Variants in DHRS7B observed in about 807,000 individuals in gnomAD.
DHRS7B encodes the protein peroxisomal reductase activating PPAR-gamma.
In DHRS7B, 24 loss-of-function variants were observed where a neutral mutation model predicts 26.4. That is an observed-to-expected ratio of 0.91 (90% CI 0.66 to 1.28). DHRS7B has a LOEUF of 1.28. Among genes scored for constraint, DHRS7B ranks in the 50% most tolerant of loss-of-function variants. DHRS7B has a pLI of 0.00. For synonymous variants in DHRS7B, 142 were observed against 166.4 expected, an observed-to-expected ratio of 0.85 and a Z score of 1.13; for missense variants, 368 against 419.4, an observed-to-expected ratio of 0.88 and a Z score of 1.07.
At chr17:21,179,562 T>C (rs1974465855) in intron 3 of DHRS7B, among the ~76,000 whole-genome samples, 1 of 152,008 alleles carries the variant, frequency 6.6e-6, no homozygotes, top group African/African-American at 2.4e-5. Flanking sequence ...ATCGCACCAC[T>C]GCACTCCACC....
chr17:21,138,131 C>CACACACACACACAT (rs1310302508), intron 1 of DHRS7B, among the ~76,000 whole-genome samples: 1 of 138,586 alleles, frequency 7.2e-6, no homozygotes, highest in Non-Finnish European at 1.5e-5. Flanking sequence ...CACACACACA[C>CACACACACACACAT]ATATATTTAT....
At chr17:21,161,945 T>C (rs1647108666) in intron 1 of DHRS7B, among the ~76,000 whole-genome samples, 1 of 152,072 alleles carries the variant, frequency 6.6e-6, no homozygotes, top group Non-Finnish European at 1.5e-5. Flanking sequence ...AGTTGTTATA[T>C]AAACTTTCAA....
At chr17:21,150,610 C>T (rs192579209) in intron 1 of DHRS7B, among the ~76,000 whole-genome samples, 371 of 152,282 alleles carry the variant, frequency 2.4e-3, no homozygotes, top group Non-Finnish European at 4.4e-3. Context: ...GAGCAAAACT[C>T]CGTTTTTTAA....
At chr17:21,168,979 C>G in intron 1 of DHRS7B, 1 of 906,102 alleles carries the variant, frequency 1.1e-6, no homozygotes, top group Non-Finnish European at 1.3e-6. Context: ...TTGTTGGGAA[C>G]TTTAATCATC....
intron 1 of DHRS7B, among the ~76,000 whole-genome samples, chr17:21,149,043 A>G (rs1339870299): frequency 6.6e-6 from 1 of 152,176 alleles, no homozygotes; most frequent in African/African-American, 2.4e-5. Context: ...AAGGTCAACA[A>G]AGAGAGAATC....
At chr17:21,161,786 G>A (rs997240580) in intron 1 of DHRS7B, among the ~76,000 whole-genome samples, 5 of 152,130 alleles carry the variant, frequency 3.3e-5, no homozygotes, top group Admixed American at 6.6e-5. Flanking sequence ...CACCTGCTAG[G>A]CTATTTTTAA....
At position 21,154,397 on chromosome 17, in the gene DHRS7B, A is replaced by T. The variant is rs187366228; in HGVS notation, c.21-17621A>T. ...GAAATATTTAAAGCGTTGAGAGAGG[A>T]AAAAAAACCCACCAACCTGGAATTC... is the stretch of plus-strand genomic sequence containing the variant. On this transcript the variant is annotated intron_variant, in intron 1 of 6. Coordinates refer to ENST00000395511, the MANE Select transcript of DHRS7B (RefSeq NM_015510.5). 4.6e-5 allele frequency among the ~76,000 whole-genome samples: 7 copies of T among 152,110 alleles called. No homozygotes were observed. The East Asian group carries it at 9.7e-4, about 21-fold the overall frequency.
intron 2 of DHRS7B, among the ~76,000 whole-genome samples, chr17:21,173,284 G>A (rs1396082675): frequency 1.3e-5 from 2 of 152,260 alleles, no homozygotes; most frequent in African/African-American, 4.8e-5. Flanking sequence ...CTTGTGCTAA[G>A]CACTTTTACA....
chr17:21,172,643 C>A (rs1188727374), intron 2 of DHRS7B, among the ~76,000 whole-genome samples: 1 of 152,230 alleles, frequency 6.6e-6, no homozygotes, highest in East Asian at 1.9e-4. Context: ...TGGTTCACAG[C>A]TTTGGTGCAT....
intron 2 of DHRS7B, among the ~76,000 whole-genome samples, chr17:21,174,292 T>C (rs1029682208): frequency 4.6e-5 from 7 of 152,226 alleles, no homozygotes; most frequent in Non-Finnish European, 1.0e-4. Context: ...TTGTCTCTTG[T>C]TTTGTGTACT....
intron 1 of DHRS7B, among the ~76,000 whole-genome samples, chr17:21,137,987 C>T (rs893083782): frequency 1.0e-4 from 15 of 150,290 alleles, no homozygotes; most frequent in African/African-American, 3.4e-4. Flanking sequence ...TTGCCTCAGC[C>T]TCCCATAGTT....
At chr17:21,146,276 C>A (rs1973641704) in intron 1 of DHRS7B, among the ~76,000 whole-genome samples, 1 of 152,146 alleles carries the variant, frequency 6.6e-6, no homozygotes, top group African/African-American at 2.4e-5. Flanking sequence ...TGGTGTGCAC[C>A]TGTAGTCCCA....
intron 1 of DHRS7B, among the ~76,000 whole-genome samples, chr17:21,138,066 T>TAAAAAAAAAA (rs1555536184): frequency 5.1e-4 from 18 of 35,228 alleles, no homozygotes; most frequent in African/African-American, 3.0e-3. Flanking sequence ...CGGCCTCTTT[T>TAAAAAAAAAA]AAAAAAAAAA....
intron 1 of DHRS7B, among the ~76,000 whole-genome samples, chr17:21,162,787 A>G (rs1974026212): frequency 6.6e-6 from 1 of 152,210 alleles, no homozygotes; most frequent in African/African-American, 2.4e-5. Context: ...TAGAGACCCA[A>G]TTTTTCTTCT....
intron 1 of DHRS7B, 122 bp downstream of exon 1, chr17:21,127,113 T>C: frequency 1.8e-6 from 2 of 1,113,312 alleles, no homozygotes; most frequent in Non-Finnish European, 2.4e-6. Flanking sequence ...CCGCGGGCCC[T>C]GGGCGGCTTC....
intron 1 of DHRS7B, among the ~76,000 whole-genome samples, chr17:21,139,307 T>C (rs2143905015): frequency 6.6e-6 from 1 of 152,324 alleles, no homozygotes; most frequent in East Asian, 1.9e-4. Flanking sequence ...TCATTCTGTT[T>C]TGGGCTGGGT....
At chr17:21,189,036 T>C (rs1478887629) in intron 6 of DHRS7B, among the ~76,000 whole-genome samples, 173 bp downstream of exon 6, 2 of 152,166 alleles carry the variant, frequency 1.3e-5, no homozygotes, top group Non-Finnish European at 2.9e-5. Flanking sequence ...ATAATCTTCT[T>C]TTACCCCACC....
At chr17:21,173,740 C>T (rs1158681293) in intron 2 of DHRS7B, among the ~76,000 whole-genome samples, 1 of 152,186 alleles carries the variant, frequency 6.6e-6, no homozygotes, top group Non-Finnish European at 1.5e-5. Context: ...CCTTTGCCAT[C>T]GTCAGTCCTC....
At chr17:21,179,059 G>A (rs528506037) in intron 3 of DHRS7B, among the ~76,000 whole-genome samples, 6 of 151,908 alleles carry the variant, frequency 3.9e-5, no homozygotes, top group East Asian at 3.9e-4. Context: ...ATCCTCCCAC[G>A]TCAGCCTCTT....
Sources: gnomAD v4.1 joint callset for allele counts (sites outside exome capture counted in the v4.1 genomes callset) on GRCh38, gnomAD v4.1.1 for gene constraint, MANE v1.5 for transcripts, NCBI Gene and HGNC (gene_info 2026-07-23, HGNC 2026-07-21) for gene names.